The following DNAH10 variants were observed in gnomAD, a reference collection of about 807,000 sequenced individuals.
DNAH10 encodes axonemal beta dynein heavy chain 10.
A neutral mutation model predicts 506.6 loss-of-function variants in DNAH10; 348 were observed. That is an observed-to-expected ratio of 0.69 (90% CI 0.63 to 0.75). The LOEUF is 0.75. Ranked by LOEUF, DNAH10 falls within the 30% of genes least tolerant of loss-of-function variation. The pLI is 0.00. For missense variants in DNAH10, 5,179 were observed against 5,787.1 expected, an observed-to-expected ratio of 0.89 and a Z score of 3.41; for synonymous variants, 2,059 against 2,198.6, an observed-to-expected ratio of 0.94 and a Z score of 1.78.
At position 123,786,677 on chromosome 12, in the gene DNAH10, G is replaced by A. The variant is rs1957865834; in HGVS notation, c.1421+741G>A. On this transcript the variant is annotated intron_variant, in intron 9 of 78. Transcript: ENST00000673944. ...TTTTGTTTCAGATACATATATGTGT[G>A]TGTGCACACACATATATCTACATGA... is the stretch of plus-strand genomic sequence containing the variant. Among the ~76,000 whole-genome samples, 8 of 516 alleles carry A rather than the reference G, an allele frequency of 0.016. No individual in the cohort carries two copies. In the South Asian group the frequency reaches 0.31, roughly 20 times the overall value. The allele number at this position is 516 out of a possible 152,430, so 0.3% of individuals were successfully genotyped here.
At chr12:123,896,555 A>C (rs1052376480) in intron 54 of DNAH10, among the ~76,000 whole-genome samples, 4 of 152,100 alleles carry the variant, frequency 2.6e-5, no homozygotes, top group Non-Finnish European at 5.9e-5. Flanking sequence ...GAATAAGCCC[A>C]CCCAGTCCTC....
At chr12:123,890,455 C>G (rs1179595540) in intron 52 of DNAH10, among the ~76,000 whole-genome samples, 1 of 150,098 alleles carries the variant, frequency 6.7e-6, no homozygotes, top group Non-Finnish European at 1.5e-5. Flanking sequence ...AAAAAAAACA[C>G]ACTTTTTTTT....
At chr12:123,766,287 G>GCCTACCTACCTA (rs146604271) in intron 1 of DNAH10, among the ~76,000 whole-genome samples, 10,392 of 150,546 alleles carry the variant, frequency 0.069, 649 homozygotes, top group African/African-American at 0.17. Flanking sequence ...CAATTAATCA[G>GCCTACCTACCTA]CCTACCTACC....
At chr12:123,882,088 T>C (rs893531852) in intron 51 of DNAH10, 5 of 330,406 alleles carry the variant, frequency 1.5e-5, no homozygotes, top group African/African-American at 8.5e-5. Context: ...TATTGTCAGT[T>C]GAAAATACAT....
At chr12:123,867,411 A>G in intron 41 of DNAH10, 56 bp from the exon 42 acceptor site, 3 of 1,559,694 alleles carry the variant, frequency 1.9e-6, no homozygotes, top group Non-Finnish European at 2.6e-6. Context: ...CTTTCCACTA[A>G]CTTCCATTTA....
intron 44 of DNAH10, among the ~76,000 whole-genome samples, chr12:123,870,724 C>T (rs968278675): frequency 6.6e-6 from 1 of 152,178 alleles, no homozygotes; most frequent in African/African-American, 2.4e-5. Flanking sequence ...AGCTCTTTCC[C>T]CAGCAGGCCG....
chr12:123,861,021 G>T lies in DNAH10; in HGVS notation c.6759G>T (p.Leu2253=). The stretch of plus-strand genomic sequence containing the variant: ...GCCTCTCTTGATTTAGGCTTGGGCT[G>T]ACGACAAAGTTGTACATCCTGAACC... ...TLCQAQTKLG[L]TTKLYILNPK... is the part of the protein sequence containing the mutation. Residue 2253 remains leucine, a synonymous_variant, in exon 39 of 79, where the codon CTG becomes CTT. Coordinates refer to ENST00000673944, the MANE Select transcript of DNAH10 (RefSeq NM_001372106.1). 6 of 1,613,952 alleles carry T rather than the reference G, an allele frequency of 3.7e-6. No homozygotes were observed. The highest frequency in any genetic ancestry group is 5.1e-6 in the Non-Finnish European group (6 of 1,179,896).
intron 62 of DNAH10, among the ~76,000 whole-genome samples, chr12:123,915,904 C>T (rs950912890): frequency 1.3e-5 from 2 of 152,212 alleles, no homozygotes; most frequent in African/African-American, 2.4e-5. Context: ...ATTGCCGGGG[C>T]GGCCCAATCA....
chr12:123,924,078 C>T (rs1453638451), intron 66 of DNAH10, 200 bp from the exon 67 acceptor site: 19 of 784,432 alleles, frequency 2.4e-5, no homozygotes, highest in Non-Finnish European at 3.5e-5. Flanking sequence ...TCGGGGCCAT[C>T]CTGAGGCTGG....
intron 5 of DNAH10, among the ~76,000 whole-genome samples, chr12:123,775,648 G>C (rs1479383971): frequency 2.0e-5 from 3 of 152,170 alleles, no homozygotes; most frequent in Non-Finnish European, 4.4e-5. Flanking sequence ...CAGGAGGATG[G>C]CCACTGTGGC....
intron 65 of DNAH10, chr12:123,923,080 G>A (rs1353506842): frequency 1.3e-5 from 2 of 151,986 alleles, no homozygotes; most frequent in Non-Finnish European, 2.9e-5. Context: ...AGGAACACAT[G>A]TCTTCTGTTA....
intron 32 of DNAH10, among the ~76,000 whole-genome samples, chr12:123,847,218 TTATCTATCTATC>T (rs61214034): frequency 0.096 from 13,735 of 142,760 alleles, 747 homozygotes; most frequent in Middle Eastern, 0.19. Context: ...ATCCATCCTA[TTATCTATCTATC>T]TATCTATCTA....
chr12:123,800,524 A>G, intron 15 of DNAH10, 136 bp downstream of exon 15: 1 of 901,050 alleles, frequency 1.1e-6, no homozygotes, highest in Non-Finnish European at 1.6e-6. Context: ...TTACCACATT[A>G]GAAATTGAAG....
In DNAH10 at chr12:123,785,362, G is replaced by A. The variant is rs1044213151; in HGVS notation, c.1231-384G>A. 6.6e-6 allele frequency among the ~76,000 whole-genome samples: 1 copy of A among 152,096 alleles called. No homozygotes were observed. The highest frequency in any genetic ancestry group is 2.4e-5 in the African/African-American group (1 of 41,398). ...GCTTATTGTCAATTTCATATTGTTG[G>A]TGAAATGTCTGTTTTAATCTTTTGC... On this transcript the variant is annotated intron_variant, in intron 8 of 78. Transcript: ENST00000673944. The surrounding 1 kb of genome is among the most constrained non-coding windows in gnomAD (Gnocchi z 4.1).
intron 44 of DNAH10, among the ~76,000 whole-genome samples, chr12:123,870,859 G>A (rs749250559): frequency 2.0e-5 from 3 of 152,174 alleles, no homozygotes; most frequent in East Asian, 3.8e-4. Context: ...TATAAAGGGC[G>A]CTGGCTTGAA....
In DNAH10 at chr12:123,785,825, T is replaced by C. The variant is rs748393634; in HGVS notation, c.1310T>C (p.Ile437Thr). The C allele has an allele frequency of 6.2e-7, 1 of 1,614,102 alleles. No homozygotes were observed. Among genetic ancestry groups the C allele is most frequent in the South Asian group, 1.1e-5 (1 of 91,080 alleles). ...ATGAGTGCCCTGCGGATGGTGTGGA[T>C]CATCTCCCGACACTACAACAAAGAC... ...AMMSALRMVW[I>T]ISRHYNKDER... The change falls in exon 9 of 79, where the codon ATC becomes ACC. Residue 437 changes from isoleucine (I) to threonine (T), a missense_variant. Transcript: ENST00000673944. This position sits in a 1 kb window ranked among gnomAD's most constrained non-coding sequence, Gnocchi z 4.1.
In DNAH10 at chr12:123,866,079, AT is replaced by A. The variant is rs781160501; in HGVS notation, c.7167+13del. The A allele has an allele frequency of 6.5e-5, 103 of 1,594,186 alleles. No individual in the cohort carries two copies. The African/African-American group carries it at 1.3e-3, about 19-fold the overall frequency. On this transcript the variant is annotated splice_region_variant and intron_variant, in intron 41 of 78. Coordinates refer to ENST00000673944, the MANE Select transcript of DNAH10 (RefSeq NM_001372106.1). ...TTAATCAAATACCAAACAAGGTGAAATTTTTTTCTAAAATGAACTTAAATTT... is the reference window on the plus strand; with the variant it reads ...TTAATCAAATACCAAACAAGGTGAAATTTTTTCTAAAATGAACTTAAATTT...
rs1343668 is a variant in DNAH10 at position 123,928,139 on chromosome 12, A to C, written c.12106-248A>C. 13,683 of 583,560 alleles carry C rather than the reference A, an allele frequency of 0.023. 1,061 individuals are homozygous for C. Among genetic ancestry groups the C allele is most frequent in the African/African-American group, 0.19 (10,209 of 53,576 alleles). The allele number at this position is 583,560 out of a possible 1,614,324, so 36.1% of individuals were successfully genotyped here. ...CTGGGACTTCCAGGGCCAGGGAGGC[A>C]GATGAGTGCAAAATGCTCACCCATC... On this transcript the variant is annotated intron_variant, in intron 69 of 78. Transcript: ENST00000673944. This position sits in a 1 kb window ranked among gnomAD's most constrained non-coding sequence, Gnocchi z 4.9.
rs1953848918 is a variant in DNAH10, at chr12:123,907,682, G to A, written c.9816-1579G>A. Among the ~76,000 whole-genome samples the A allele has an allele frequency of 6.6e-6, 1 of 152,172 alleles. No homozygotes were observed. Among genetic ancestry groups the A allele is most frequent in the South Asian group, 2.1e-4 (1 of 4,828 alleles). On this transcript the variant is annotated intron_variant, in intron 57 of 78. Coordinates refer to ENST00000673944, the MANE Select transcript of DNAH10 (RefSeq NM_001372106.1). The surrounding 1 kb of genome is among the most constrained non-coding windows in gnomAD (Gnocchi z 4.4). ...CCCAAGGGCTCAGGACCCCGCCGCAGGCCTGGGCTCCTTCTGTCTTGAATC... is the reference window on the plus strand; with the variant it reads ...CCCAAGGGCTCAGGACCCCGCCGCAAGCCTGGGCTCCTTCTGTCTTGAATC...
Sources: allele counts gnomAD v4.1 joint callset (sites outside exome capture counted in the v4.1 genomes callset), GRCh38; gene constraint gnomAD v4.1.1; non-coding constraint Gnocchi (gnomAD v3.1); transcripts MANE v1.5; gene names NCBI Gene and HGNC (gene_info 2026-07-23, HGNC 2026-07-21).